Variants in TMEM204 observed in about 807,000 individuals in gnomAD.
TMEM204 encodes the protein transmembrane protein 204.
In TMEM204, 15 loss-of-function variants were observed where a neutral mutation model predicts 19.4. That is an observed-to-expected ratio of 0.77 (90% CI 0.52 to 1.19). The LOEUF (loss-of-function observed/expected upper bound fraction) is 1.19. Ranked by LOEUF, TMEM204 falls within the 50% of genes most tolerant of loss-of-function variation. The pLI is 0.00. For missense variants in TMEM204, 287 were observed against 321.2 expected (o/e 0.89, Z 0.81); for synonymous variants, 161 against 146.0 (o/e 1.10, Z -0.74).
In TMEM204 at chr16:1,553,834, C is replaced by T; in HGVS notation, c.437-948C>T. ...TGGATTAGGACGCCCGGCTCCATCG[C>T]TGCGGCCACAGTGTCCTGTTATCCT... is the stretch of plus-strand genomic sequence containing the variant. On this transcript the variant is annotated intron_variant, in intron 2 of 2. Transcript: ENST00000566264. This position sits in a 1 kb window ranked among gnomAD's most constrained non-coding sequence, Gnocchi z 4.4. 8.3e-7 allele frequency: 1 copy of T among 1,211,690 alleles called. No homozygotes were observed. 75.1% of individuals were successfully genotyped at this position (1,211,690 alleles called of 1,614,324 possible).
chr16:1,541,802 A>G, intron 1 of TMEM204, 119 bp from the exon 2 acceptor site: 2 of 1,271,320 alleles, frequency 1.6e-6, no homozygotes, highest in Non-Finnish European at 2.1e-6. Flanking sequence ...CAATGGAGGC[A>G]CAGCCTGTGC....
intron 1 of TMEM204, among the ~76,000 whole-genome samples, chr16:1,538,083 A>T (rs1042251335): frequency 6.6e-6 from 1 of 152,174 alleles, no homozygotes; most frequent in African/African-American, 2.4e-5. Context: ...ATAACACCCA[A>T]GCAGTGAACG....
At chr16:1,531,646 T>TA (rs1407066571), upstream of TMEM204, 1 of 151,876 alleles carries the variant, frequency 6.6e-6, no homozygotes, top group African/African-American at 2.4e-5. This position sits in a 1 kb window ranked among gnomAD's most constrained non-coding sequence, Gnocchi z 4.7. Context: ...GCTCTTAACT[T>TA]ACATGCTGCT....
intron 2 of TMEM204, 28 bp from the exon 3 acceptor site, chr16:1,554,754 G>A (rs1387387524): frequency 6.2e-7 from 1 of 1,610,612 alleles, no homozygotes; most frequent in Admixed American, 1.7e-5. Context: ...TCTCAGACAA[G>A]GCCTCTCAAC....
At position 1,534,273 on chromosome 16, in the gene TMEM204, G is replaced by T; in HGVS notation, c.-3G>T. On this transcript the variant is annotated 5_prime_UTR_variant, in exon 1 of 3. Transcript: ENST00000566264. ...CGGATAAGCGGCGGCACCGGCGTCA[G>T]CGATGACCGTGCAGAGACTCGTGGC... The T allele has an allele frequency of 6.2e-7, 1 of 1,610,982 alleles. No individual in the cohort carries two copies.
At chr16:1,534,689 G>A (rs2030885252) in intron 1 of TMEM204, 134 bp downstream of exon 1, 2 of 1,286,734 alleles carry the variant, frequency 1.6e-6, no homozygotes, top group East Asian at 2.4e-5. Context: ...CCTCTGGGCA[G>A]GCAGGAGGGG....
chr16:1,538,247 G>A (rs1486700152), intron 1 of TMEM204, among the ~76,000 whole-genome samples: 1 of 152,092 alleles, frequency 6.6e-6, no homozygotes, highest in African/African-American at 2.4e-5. Flanking sequence ...AGAGTGGCTT[G>A]TGGGGCACGG....
chr16:1,548,866 G>T (rs1231095598), intron 2 of TMEM204, among the ~76,000 whole-genome samples: 1 of 152,260 alleles, frequency 6.6e-6, no homozygotes, highest in Non-Finnish European at 1.5e-5. Context: ...AGCTACAGGC[G>T]CCTCTGCATT....
At chr16:1,548,921 G>A (rs1335947649) in intron 2 of TMEM204, among the ~76,000 whole-genome samples, 1 of 152,206 alleles carries the variant, frequency 6.6e-6, no homozygotes, top group Non-Finnish European at 1.5e-5. Flanking sequence ...TGGAACACAC[G>A]GAAGGTTCCC....
chr16:1,528,901 G>GGT (rs1299725835), upstream of TMEM204: 1 of 152,232 alleles, frequency 6.6e-6, no homozygotes, highest in Non-Finnish European at 1.5e-5. Context: ...CCAGTCCCAC[G>GGT]GTGGTACCTC....
At position 1,551,564 on chromosome 16, in the gene TMEM204, G is replaced by A. The variant is rs1001061028; in HGVS notation, c.437-3218G>A. On this transcript the variant is annotated intron_variant, in intron 2 of 2. Coordinates refer to ENST00000566264, the MANE Select transcript of TMEM204 (RefSeq NM_024600.6). The surrounding 1 kb of genome is among the most constrained non-coding windows in gnomAD (Gnocchi z 4.0). The stretch of plus-strand genomic sequence containing the variant: ...TTCATACAGATCAGGGTGCAGCGGT[G>A]GAGGGAGGGCCGCCTGCATCAGTAT... 1.3e-5 allele frequency among the ~76,000 whole-genome samples: 2 copies of A among 152,192 alleles called. No homozygotes were observed. The highest frequency in any genetic ancestry group is 2.4e-5 in the African/African-American group (1 of 41,436).
chr16:1,553,799 T>C lies in TMEM204; in HGVS notation c.437-983T>C, dbSNP rs1215606470. The C allele has an allele frequency of 1.7e-6, 2 of 1,197,540 alleles. No individual in the cohort carries two copies. Among genetic ancestry groups the C allele is most frequent in the Non-Finnish European group, 2.1e-6 (2 of 946,470 alleles). 74.2% of individuals were successfully genotyped at this position (1,197,540 alleles called of 1,614,324 possible). ...AGCCTCTCCTCCATCCTAGAGCCTATGTTTCCAGCTGGATTAGGACGCCCG... is the reference window on the plus strand; with the variant it reads ...AGCCTCTCCTCCATCCTAGAGCCTACGTTTCCAGCTGGATTAGGACGCCCG... On this transcript the variant is annotated intron_variant, in intron 2 of 2. Coordinates refer to ENST00000566264, the MANE Select transcript of TMEM204 (RefSeq NM_024600.6). The surrounding 1 kb of genome is among the most constrained non-coding windows in gnomAD (Gnocchi z 4.4).
chr16:1,544,465 G>A (rs956886029), intron 2 of TMEM204, among the ~76,000 whole-genome samples: 1 of 151,778 alleles, frequency 6.6e-6, no homozygotes, highest in Non-Finnish European at 1.5e-5. Flanking sequence ...GATTATAGGC[G>A]TGAGCCACCG....
chr16:1,540,088 G>C (rs567215218), intron 1 of TMEM204, among the ~76,000 whole-genome samples: 10 of 152,332 alleles, frequency 6.6e-5, no homozygotes, highest in African/African-American at 2.4e-4. Flanking sequence ...CAGTGGCGAG[G>C]AGCAGTGTGC....
intron 2 of TMEM204, among the ~76,000 whole-genome samples, chr16:1,544,717 C>G (rs1156916655): frequency 1.3e-5 from 2 of 151,802 alleles, no homozygotes; most frequent in African/African-American, 4.8e-5. Context: ...GGCGCGATCT[C>G]GGCTCACTGC....
upstream of TMEM204, among the ~76,000 whole-genome samples, chr16:1,528,988 T>C (rs947328425): frequency 9.9e-5 from 15 of 152,036 alleles, no homozygotes; most frequent in South Asian, 4.1e-4. Context: ...GGCTCCGAGA[T>C]GGTAGCCCCG....
At chr16:1,536,804 C>T (rs1195963948) in intron 1 of TMEM204, among the ~76,000 whole-genome samples, 4 of 152,234 alleles carry the variant, frequency 2.6e-5, no homozygotes, top group African/African-American at 4.8e-5. Context: ...TCCAAGCCCA[C>T]GTGCTGCTCT....
chr16:1,530,862 C>T (rs1191458298), upstream of TMEM204: 1 of 152,286 alleles, frequency 6.6e-6, no homozygotes, highest in East Asian at 1.9e-4. Flanking sequence ...AAGTCTGCAC[C>T]ATGCGGGCCT....
rs2032968647 is a variant in TMEM204, at chr16:1,554,945, C to T, written c.600C>T (p.Pro200=). Residue 200 remains proline, a synonymous_variant, in exon 3 of 3, where the codon CCC becomes CCT. Transcript: ENST00000566264. ...ILHKREDCMA[P]RVIVISRSLT... is the part of the protein sequence containing the mutation. The stretch of plus-strand genomic sequence containing the variant: ...ACAAGAGGGAGGACTGCATGGCCCC[C>T]CGGGTGATTGTCATCAGCCGCTCCC... 1 of 1,614,044 alleles carries T rather than the reference C, an allele frequency of 6.2e-7. No individual in the cohort carries two copies. Among genetic ancestry groups the T allele is most frequent in the South Asian group, 1.1e-5 (1 of 91,092 alleles).
Sources: allele counts gnomAD v4.1 joint callset (sites outside exome capture counted in the v4.1 genomes callset), GRCh38; gene constraint gnomAD v4.1.1; non-coding constraint Gnocchi (gnomAD v3.1); transcripts MANE v1.5; gene names NCBI Gene and HGNC (gene_info 2026-07-23, HGNC 2026-07-21).